The following CTBS variants were observed in gnomAD, a reference collection of about 807,000 sequenced individuals.
CTBS encodes chitobiase, also known as di-N-acetylchitobiase.
CTBS carries 35 observed loss-of-function variants against 44.3 expected under a neutral mutation model. The ratio of observed to expected loss-of-function variants is 0.79; its 90% confidence interval spans 0.60 to 1.05. The LOEUF is 1.05. Ranked by LOEUF, CTBS falls within the 50% of genes least tolerant of loss-of-function variation. The pLI, the probability that CTBS is intolerant of heterozygous loss-of-function variation, is 0.00. For missense variants in CTBS, 458 were observed against 475.3 expected (o/e 0.96, Z 0.34); for synonymous variants, 143 against 168.0 (o/e 0.85, Z 1.15).
Position 84,571,042 on chromosome 1 carries a change from A to G in CTBS, c.178-322T>C, listed in dbSNP as rs556865616. Among the ~76,000 whole-genome samples the G allele has an allele frequency of 2.4e-4, 36 of 152,366 alleles. 1 individual carries two copies. Among genetic ancestry groups the G allele is most frequent in the Admixed American group, 1.9e-3 (29 of 15,306 alleles). ...GAGCATTAGTGAAGGACCAGAGAGT[A>G]GTAGGCATGGATTAAATCATGAAAG... On this transcript the variant is annotated intron_variant, in intron 1 of 6. Transcript: ENST00000370630.
intron 1 of CTBS, among the ~76,000 whole-genome samples, chr1:84,573,118 A>T (rs1647365056): frequency 6.6e-6 from 1 of 152,244 alleles, no homozygotes; most frequent in Non-Finnish European, 1.5e-5. Context: ...CTGCTTAAGC[A>T]AACTCCAGCC....
chr1:84,573,163 C>T (rs1395347914), intron 1 of CTBS, among the ~76,000 whole-genome samples: 1 of 152,176 alleles, frequency 6.6e-6, no homozygotes, highest in Non-Finnish European at 1.5e-5. Flanking sequence ...TAAGCTTAAC[C>T]TATCAGAAAC....
Position 84,574,419 on chromosome 1 carries a change from A to C in CTBS, c.-4T>G. The C allele has an allele frequency of 1.3e-6, 2 of 1,539,370 alleles. No homozygotes were observed. Among genetic ancestry groups the C allele is most frequent in the Non-Finnish European group, 1.7e-6 (2 of 1,144,996 alleles). Reference sequence around the variant, plus strand: ...GTCGAAGCTGCGGCCGGGACATAGCAGCAGGTCTAGCGGGCCGGAGTGGGT... The same window carrying C: ...GTCGAAGCTGCGGCCGGGACATAGCCGCAGGTCTAGCGGGCCGGAGTGGGT... On this transcript the variant is annotated 5_prime_UTR_variant, in exon 1 of 7. Coordinates refer to ENST00000370630, the MANE Select transcript of CTBS (RefSeq NM_004388.3).
In CTBS at chr1:84,554,831, G is replaced by A. The variant is rs1684381369; in HGVS notation, c.*168C>T. The A allele has an allele frequency of 1.4e-5, 8 of 573,894 alleles. No homozygotes were observed. Among genetic ancestry groups the A allele is most frequent in the Non-Finnish European group, 2.4e-5 (8 of 332,898 alleles). 35.6% of individuals were successfully genotyped at this position (573,894 alleles called of 1,614,324 possible). A position where few individuals can be genotyped will look rare whatever the true frequency, so the allele number is the denominator to read the frequency against. On this transcript the variant is annotated 3_prime_UTR_variant, in exon 7 of 7. Transcript: ENST00000370630. ...TCTTGCCTTTATGTTCCTGGATACTGAGGACATTCGTGTGTATTTTTCAAA... is the reference window on the plus strand; with the variant it reads ...TCTTGCCTTTATGTTCCTGGATACTAAGGACATTCGTGTGTATTTTTCAAA...
At chr1:84,562,258 G>C (rs1398787055) in intron 6 of CTBS, among the ~76,000 whole-genome samples, 1 of 152,186 alleles carries the variant, frequency 6.6e-6, no homozygotes, top group African/African-American at 2.4e-5. Flanking sequence ...ATGTGCATCT[G>C]TGTGTGTAAT....
At chr1:84,574,124 G>T in intron 1 of CTBS, 115 bp downstream of exon 1, 1 of 1,511,290 alleles carries the variant, frequency 6.6e-7, no homozygotes, top group South Asian at 1.3e-5. Flanking sequence ...GGCCCTCATC[G>T]AGTGGTCAAA....
chr1:84,558,495 T>G (rs1294751943), intron 6 of CTBS, among the ~76,000 whole-genome samples: 7 of 150,998 alleles, frequency 4.6e-5, no homozygotes, highest in Admixed American at 6.6e-5. Context: ...GTTTCACCGT[T>G]TTAGCCGGGA....
Position 84,553,067 on chromosome 1 carries a change from A to AG in CTBS, c.*1931_*1932insC. The AG allele has an allele frequency of 6.5e-7, 1 of 1,532,306 alleles. No individual in the cohort carries two copies. Among genetic ancestry groups the AG allele is most frequent in the Non-Finnish European group, 8.8e-7 (1 of 1,140,646 alleles). 94.9% of individuals were successfully genotyped at this position (1,532,306 alleles called of 1,614,324 possible). ...AACAAGCAGTTTCAGATTTACGAAC[A>AG]TTGAAAACTGAACTGGCACAGAAAA... On this transcript the variant is annotated 3_prime_UTR_variant, in exon 7 of 7. Coordinates refer to ENST00000370630, the MANE Select transcript of CTBS (RefSeq NM_004388.3).
intron 1 of CTBS, among the ~76,000 whole-genome samples, chr1:84,573,721 A>T (rs759668602): frequency 6.6e-6 from 1 of 152,226 alleles, no homozygotes; most frequent in Non-Finnish European, 1.5e-5. Flanking sequence ...TTATGTAGAT[A>T]GAAGGAAAAT....
chr1:84,567,123 T>C (rs1398701876), intron 3 of CTBS, among the ~76,000 whole-genome samples: 4 of 152,204 alleles, frequency 2.6e-5, no homozygotes, highest in Non-Finnish European at 5.9e-5. Flanking sequence ...ATACTTTAGG[T>C]AACATTTTTA....
intron 6 of CTBS, among the ~76,000 whole-genome samples, chr1:84,562,207 A>G (rs543382708): frequency 2.6e-5 from 4 of 152,276 alleles, no homozygotes; most frequent in Admixed American, 2.6e-4. Context: ...TGTTTTTCTA[A>G]ATATATTTGG....
chr1:84,560,825 CA>C (rs1157335210), intron 6 of CTBS, among the ~76,000 whole-genome samples: 1 of 152,138 alleles, frequency 6.6e-6, no homozygotes, highest in East Asian at 1.9e-4. Context: ...AAGCCTGGCT[CA>C]CAGCACATCT....
chr1:84,555,409 G>A (rs183488016), intron 6 of CTBS, among the ~76,000 whole-genome samples: 72 of 152,222 alleles, frequency 4.7e-4, no homozygotes, highest in Non-Finnish European at 8.5e-4. Context: ...GATACAAATG[G>A]TCCCTGACTT....
At chr1:84,560,463 G>A (rs762204420) in intron 6 of CTBS, among the ~76,000 whole-genome samples, 7 of 152,112 alleles carry the variant, frequency 4.6e-5, no homozygotes, top group Admixed American at 6.5e-5. Flanking sequence ...TCCATACTTC[G>A]TTGAACCTAA....
rs913456232 is a variant in CTBS at position 84,573,959 on chromosome 1, C to G, written c.177+280G>C. 2.2e-6 allele frequency: 3 copies of G among 1,337,016 alleles called. No individual in the cohort carries two copies. In the Admixed American group the frequency reaches 1.1e-4, roughly 47 times the overall value. 82.8% of individuals were successfully genotyped at this position (1,337,016 alleles called of 1,614,324 possible). ...CCAGAGTGCTTCCGCAGAGGCACAG[C>G]AGGGGAATGAAAGGAGCTTGCCTTA... On this transcript the variant is annotated intron_variant, in intron 1 of 6. Transcript: ENST00000370630.
In CTBS at chr1:84,570,000, T is replaced by C. The variant is rs1318650015; in HGVS notation, c.456A>G (p.Glu152=). The change falls in exon 3 of 7, where the codon GAA becomes GAG. Residue 152 remains glutamate (E), a synonymous_variant. Coordinates refer to ENST00000370630, the MANE Select transcript of CTBS (RefSeq NM_004388.3). ...IEQEVNCLSP[E]YDALTALVKE... is the part of the protein sequence containing the mutation. ...TGACTAAAGCAGTTAATGCATCATA[T>C]TCAGGTGATAAACAATTAACTTCTT... The C allele has an allele frequency of 1.2e-6, 2 of 1,613,528 alleles. No homozygotes were observed. Among genetic ancestry groups the C allele is most frequent in the East Asian group, 2.2e-5 (1 of 44,796 alleles).
chr1:84,556,062 T>G (rs1226974225), intron 6 of CTBS: 1 of 152,198 alleles, frequency 6.6e-6, no homozygotes, highest in East Asian at 1.9e-4. Flanking sequence ...TGCACTTTAT[T>G]GGTGACTTAA....
At chr1:84,563,529 G>A (rs1324901016) in intron 5 of CTBS, 111 bp from the exon 6 acceptor site, 2 of 790,392 alleles carry the variant, frequency 2.5e-6, no homozygotes, top group African/African-American at 1.8e-5. Context: ...TAGAAAACCT[G>A]ACTATACAGA....
chr1:84,557,430 C>T (rs529804517), intron 6 of CTBS, among the ~76,000 whole-genome samples: 7 of 148,244 alleles, frequency 4.7e-5, no homozygotes, highest in Admixed American at 1.4e-4. Flanking sequence ...CTACTCAGGA[C>T]GCTGAGGCAG....
Sources: gnomAD v4.1 joint callset for allele counts (sites outside exome capture counted in the v4.1 genomes callset) on GRCh38, gnomAD v4.1.1 for gene constraint, MANE v1.5 for transcripts, NCBI Gene and HGNC (gene_info 2026-07-23, HGNC 2026-07-21) for gene names.